Variants in MYL3 observed in about 807,000 individuals in gnomAD.
MYL3 encodes the protein CMLC1.
MYL3 carries 11 observed loss-of-function variants against 21.3 expected under a neutral mutation model. The observed-to-expected ratio is 0.52, with a 90% confidence interval of 0.32 to 0.85. The LOEUF is 0.85. Among genes scored for constraint, MYL3 ranks in the 40% least tolerant of loss-of-function variants. MYL3 has a pLI of 0.03. For missense variants in MYL3, 206 were observed against 253.3 expected (o/e 0.81, Z 1.27); for synonymous variants, 88 against 91.6 (o/e 0.96, Z 0.22).
At chr3:46,881,651 G>A (rs1401140894) in intron 1 of MYL3, among the ~76,000 whole-genome samples, 1 of 152,144 alleles carries the variant, frequency 6.6e-6, no homozygotes, top group Non-Finnish European at 1.5e-5. Flanking sequence ...GGCGGGGGTC[G>A]GGGCTGGCCT....
At chr3:46,871,109 A>C (rs924371287) in intron 1 of MYL3, among the ~76,000 whole-genome samples, 1 of 152,160 alleles carries the variant, frequency 6.6e-6, no homozygotes, top group African/African-American at 2.4e-5. Context: ...CATACACCTA[A>C]TGCACCACAT....
Position 46,858,455 on chromosome 3 carries a change from C to G in MYL3, c.488G>C (p.Arg163Thr), listed in dbSNP as rs752165383. Residue 163 changes from arginine (R) to threonine (T), a missense_variant, in exon 5 of 7, where the codon AGG becomes ACG. Coordinates refer to ENST00000292327, the MANE Select transcript of MYL3 (RefSeq NM_000258.3). Reference protein sequence around the residue: ...LRHVLATLGERLTEDEVEKLM... With the variant: ...LRHVLATLGETLTEDEVEKLM... Reference sequence around the variant, plus strand: ...CTTCTCCACTTCGTCTTCTGTCAGCCTCTCACCTGGCAGGAGTGGGAGGCT... The same window carrying G: ...CTTCTCCACTTCGTCTTCTGTCAGCGTCTCACCTGGCAGGAGTGGGAGGCT... 1 of 1,613,256 alleles carries G rather than the reference C, an allele frequency of 6.2e-7. No homozygotes were observed. Among genetic ancestry groups the G allele is most frequent in the South Asian group, 1.1e-5 (1 of 91,078 alleles).
chr3:46,866,227 T>C (rs780300537), upstream of MYL3, among the ~76,000 whole-genome samples: 1 of 152,202 alleles, frequency 6.6e-6, no homozygotes, highest in Non-Finnish European at 1.5e-5. Context: ...GGAGTCAGCC[T>C]AGCAGGCAGG....
rs369421287 is a variant in MYL3 at position 46,858,508 on chromosome 3, G to C, written c.482-47C>G. ...GTCAGCACCGTGCGTGCAGAGGCAT[G>C]ATGGGGTGGGGGCACCCACTGAATC... is the stretch of plus-strand genomic sequence containing the variant. On this transcript the variant is annotated intron_variant, in intron 4 of 6. Transcript: ENST00000292327. The C allele has an allele frequency of 1.9e-6, 3 of 1,586,460 alleles. No homozygotes were observed. The African/African-American group carries it at 4.0e-5, about 21-fold the overall frequency.
Position 46,863,269 on chromosome 3 carries a change from T to A in MYL3, c.122A>T (p.Lys41Met). ...CCCAGCTTCCATACCCACCTTGATC[T>A]TGGAAGCATCAAACTCGACCTCCTT... is the stretch of plus-strand genomic sequence containing the variant. Reference protein sequence around the residue: ...RPKEVEFDASKIKIEFTPEQI... With the variant: ...RPKEVEFDASMIKIEFTPEQI... The change falls in exon 1 of 7, where the codon AAG becomes ATG. Residue 41 changes from lysine (K) to methionine (M), a missense_variant. Lys to Met is a moderately conservative substitution (Grantham distance 95). Coordinates refer to ENST00000292327, the MANE Select transcript of MYL3 (RefSeq NM_000258.3). 1 of 1,614,148 alleles carries A rather than the reference T, an allele frequency of 6.2e-7. No homozygotes were observed. The highest frequency in any genetic ancestry group is 8.5e-7 in the Non-Finnish European group (1 of 1,180,024).
At chr3:46,858,340 C>T in intron 5 of MYL3, 44 bp downstream of exon 5, 1 of 1,613,994 alleles carries the variant, frequency 6.2e-7, no homozygotes, top group Non-Finnish European at 8.5e-7. Context: ...AGCCTGGGTC[C>T]CAGCACTCCC....
chr3:46,878,420 G>C lies in MYL3; in HGVS notation c.-218+3654C>G, dbSNP rs149399593. 2.9e-3 allele frequency among the ~76,000 whole-genome samples: 449 copies of C among 152,320 alleles called. 1 individual carries two copies. Among genetic ancestry groups the C allele is most frequent in the Admixed American group, 4.1e-3 (62 of 15,300 alleles). On this transcript the variant is annotated intron_variant, in intron 1 of 3. Coordinates refer to the MYL3 transcript ENST00000431168. The stretch of plus-strand genomic sequence containing the variant: ...AACCTGGGGTCAGAGTTCAGCCAGG[G>C]GCTAGAAATCAGACTGGGATAAGAA...
chr3:46,860,050 C>A lies in MYL3; in HGVS notation c.308-402G>T, dbSNP rs1701974529. On this transcript the variant is annotated intron_variant, in intron 3 of 6. Transcript: ENST00000292327. The surrounding 1 kb of genome is among the most constrained non-coding windows in gnomAD (Gnocchi z 4.6). ...AGAGACCTTCCCTGGGACTTTTGAACCCTTGGTGGGGGCTTGGGCCTCACT... is the reference window on the plus strand; with the variant it reads ...AGAGACCTTCCCTGGGACTTTTGAAACCTTGGTGGGGGCTTGGGCCTCACT... 1.3e-5 allele frequency among the ~76,000 whole-genome samples: 2 copies of A among 151,818 alleles called. No homozygotes were observed. Among genetic ancestry groups the A allele is most frequent in the Non-Finnish European group, 2.9e-5 (2 of 67,946 alleles).
chr3:46,860,063 C>CT lies in MYL3; in HGVS notation c.308-416dup, dbSNP rs556776089. 6.1e-4 allele frequency among the ~76,000 whole-genome samples: 93 copies of CT among 151,420 alleles called. No individual in the cohort carries two copies. Among genetic ancestry groups the CT allele is most frequent in the Non-Finnish European group, 1.2e-3 (83 of 67,852 alleles). ...GGGACTTTTGAACCCTTGGTGGGGG[C>CT]TTGGGCCTCACTCCTTTTTTTTTTT... On this transcript the variant is annotated intron_variant, in intron 3 of 6. Coordinates refer to ENST00000292327, the MANE Select transcript of MYL3 (RefSeq NM_000258.3). The surrounding 1 kb of genome is among the most constrained non-coding windows in gnomAD (Gnocchi z 4.6).
rs1351964024 is a variant in MYL3 at position 46,861,450 on chromosome 3, G to A, written c.130-463C>T. On this transcript the variant is annotated intron_variant, in intron 1 of 6. Transcript: ENST00000292327. The surrounding 1 kb of genome is among the most constrained non-coding windows in gnomAD (Gnocchi z 4.2). Reference sequence around the variant, plus strand: ...GTAAGGGCAATGGTACAGGCCGAGGGCTGGTGGCTGGAAGCATCGAGGGTG... The same window carrying A: ...GTAAGGGCAATGGTACAGGCCGAGGACTGGTGGCTGGAAGCATCGAGGGTG... Among the ~76,000 whole-genome samples the A allele has an allele frequency of 6.6e-6, 1 of 152,204 alleles. No individual in the cohort carries two copies. Among genetic ancestry groups the A allele is most frequent in the Admixed American group, 6.5e-5 (1 of 15,290 alleles).
chr3:46,864,432 C>A (rs1702027679), upstream of MYL3, among the ~76,000 whole-genome samples: 1 of 152,008 alleles, frequency 6.6e-6, no homozygotes, highest in Admixed American at 6.5e-5. This position sits in a 1 kb window ranked among gnomAD's most constrained non-coding sequence, Gnocchi z 4.7. Flanking sequence ...GCTTTCACCC[C>A]TAGATTCCTA....
upstream of MYL3, among the ~76,000 whole-genome samples, chr3:46,866,196 A>G (rs758448414): frequency 6.6e-6 from 1 of 152,170 alleles, no homozygotes; most frequent in Non-Finnish European, 1.5e-5. Flanking sequence ...CCACATCCCA[A>G]CCTGAGCTTT....
chr3:46,880,538 G>C (rs187559735), intron 1 of MYL3, among the ~76,000 whole-genome samples: 1 of 152,126 alleles, frequency 6.6e-6, no homozygotes, highest in Non-Finnish European at 1.5e-5. Context: ...TCAGGGGTTC[G>C]TGACCAGCCT....
At chr3:46,877,012 A>T (rs1423916938) in intron 1 of MYL3, among the ~76,000 whole-genome samples, 1 of 152,088 alleles carries the variant, frequency 6.6e-6, no homozygotes, top group Non-Finnish European at 1.5e-5. Flanking sequence ...TCCTGTCCAC[A>T]GCCCCCTGCC....
rs1179158635 is a variant in MYL3, at chr3:46,861,678, T to C, written c.130-691A>G. ...CAGTGCTGCTGAGTGTTTGCTGAAG[T>C]CACATTGGGGCCACCTTGATTGACG... On this transcript the variant is annotated intron_variant, in intron 1 of 6. Coordinates refer to ENST00000292327, the MANE Select transcript of MYL3 (RefSeq NM_000258.3). The surrounding 1 kb of genome is among the most constrained non-coding windows in gnomAD (Gnocchi z 4.2). Among the ~76,000 whole-genome samples, 1 of 151,992 alleles carries C rather than the reference T, an allele frequency of 6.6e-6. No homozygotes were observed. Among genetic ancestry groups the C allele is most frequent in the Non-Finnish European group, 1.5e-5 (1 of 67,984 alleles).
At chr3:46,869,775 A>C (rs1330198921) in intron 1 of MYL3, among the ~76,000 whole-genome samples, 2 of 152,222 alleles carry the variant, frequency 1.3e-5, no homozygotes, top group Non-Finnish European at 2.9e-5. Context: ...GCATGTGGAC[A>C]CAACCTCTGT....
chr3:46,860,790 G>T lies in MYL3; in HGVS notation c.193C>A (p.Pro65Thr), dbSNP rs730880960. Reference sequence around the variant, plus strand: ...TAGGTGATCTTCATCTCACACTTGGGTGTGCGGTCGAACAGCATGAAGGCT... The same window carrying T: ...TAGGTGATCTTCATCTCACACTTGGTTGTGCGGTCGAACAGCATGAAGGCT... Reference protein sequence around the residue: ...KEAFMLFDRTPKCEMKITYGQ... With the variant: ...KEAFMLFDRTTKCEMKITYGQ... The change falls in exon 3 of 7, where the codon CCC (proline) becomes ACC (threonine). Residue 65 changes from proline (P) to threonine (T), a missense_variant. Transcript: ENST00000292327. The surrounding 1 kb of genome is among the most constrained non-coding windows in gnomAD (Gnocchi z 4.6). 6.2e-7 allele frequency: 1 copy of T among 1,614,118 alleles called. No individual in the cohort carries two copies. Among genetic ancestry groups the T allele is most frequent in the Admixed American group, 1.7e-5 (1 of 60,006 alleles).
chr3:46,874,375 G>A lies in MYL3; in HGVS notation c.-218+7699C>T, dbSNP rs571987459. Among the ~76,000 whole-genome samples, 2 of 152,116 alleles carry A rather than the reference G, an allele frequency of 1.3e-5. No individual in the cohort carries two copies. Among genetic ancestry groups the A allele is most frequent in the East Asian group, 1.9e-4 (1 of 5,170 alleles). ...GAGGCCCAGAGATTTGGCAAGGCAC[G>A]ACAAAGGACCACCCACATAGAGGGT... On this transcript the variant is annotated intron_variant, in intron 1 of 3. Transcript: ENST00000431168. The surrounding 1 kb of genome is among the most constrained non-coding windows in gnomAD (Gnocchi z 4.1).
At chr3:46,870,346 G>A (rs918826336) in intron 1 of MYL3, among the ~76,000 whole-genome samples, 6 of 152,096 alleles carry the variant, frequency 3.9e-5, no homozygotes, top group African/African-American at 9.7e-5. Context: ...AGGCAGTGCC[G>A]AGGACAGGGA....
Sources: allele counts gnomAD v4.1 joint callset (sites outside exome capture counted in the v4.1 genomes callset), GRCh38; gene constraint gnomAD v4.1.1; non-coding constraint Gnocchi (gnomAD v3.1); transcripts MANE v1.5; gene names NCBI Gene and HGNC (gene_info 2026-07-23, HGNC 2026-07-21).